MED13L: variants seen among roughly 807,000 people sequenced by gnomAD.
The protein encoded by MED13L is mediator complex subunit 13L, also known as mediator of RNA polymerase II transcription subunit 13-like.
MED13L carries 7 observed loss-of-function variants against 220.9 expected under a neutral mutation model. The observed-to-expected ratio is 0.03, with a 90% CI of 0.02 to 0.06. The LOEUF (loss-of-function observed/expected upper bound fraction) is 0.06. Among genes scored for constraint, MED13L ranks in the 10% least tolerant of loss-of-function variants. The probability of loss-of-function intolerance (pLI) is 1.00; values close to 1 mark genes in which losing one functional copy is unlikely to be tolerated. For missense variants in MED13L, 1,965 were observed against 2,760.5 expected (o/e 0.71, Z 6.46); for synonymous variants, 1,011 against 1,015.2 (o/e 1.00, Z 0.08).
intron 1 of MED13L, among the ~76,000 whole-genome samples, chr12:116,239,726 A>G (rs1167250291): frequency 6.6e-6 from 1 of 152,248 alleles, no homozygotes; most frequent in Non-Finnish European, 1.5e-5. Context: ...AAGACTCATG[A>G]TGAGTGCTAC....
intron 2 of MED13L, among the ~76,000 whole-genome samples, chr12:116,162,248 AT>A (rs1191488934): frequency 2.0e-5 from 3 of 152,132 alleles, no homozygotes; most frequent in Non-Finnish European, 4.4e-5. Context: ...TAATCAGCTT[AT>A]TTTCCCCATT....
intron 5 of MED13L, among the ~76,000 whole-genome samples, chr12:116,020,982 A>C (rs1473210475): frequency 6.6e-6 from 1 of 152,126 alleles, no homozygotes; most frequent in Non-Finnish European, 1.5e-5. Context: ...TTCCTCAATG[A>C]TCCAAATGGG....
chr12:115,989,466 G>A (rs1877913762), intron 17 of MED13L, among the ~76,000 whole-genome samples: 1 of 151,668 alleles, frequency 6.6e-6, no homozygotes, highest in African/African-American at 2.4e-5. Flanking sequence ...GCTCTACCAG[G>A]TCCTCTTCTC....
intron 23 of MED13L, among the ~76,000 whole-genome samples, chr12:115,978,569 C>T (rs575880587): frequency 6.6e-6 from 1 of 152,192 alleles, no homozygotes; most frequent in Admixed American, 6.5e-5. Context: ...TCAGGTGACC[C>T]GCCAGCCTCA....
Position 115,961,301 on chromosome 12 carries a change from T to C in MED13L, c.6598A>G (p.Thr2200Ala). Residue 2200 changes from threonine (T) to alanine (A), a missense_variant, in exon 31 of 31, where the codon ACT becomes GCT. This residue lies in a region of MED13L where 145 missense variants were observed against 328.3 expected (regional missense o/e 0.44). Coordinates refer to ENST00000281928, the MANE Select transcript of MED13L (RefSeq NM_015335.5). ...TTCATGATGGCATTGTACAACTGAGTGAGCACCACAAAGTGGACGGGAAGG... is the reference window on the plus strand; with the variant it reads ...TTCATGATGGCATTGTACAACTGAGCGAGCACCACAAAGTGGACGGGAAGG... ...SCLPVHFVVL[T>A]QLYNAIMNIL 6.2e-7 allele frequency: 1 copy of C among 1,614,044 alleles called. No individual in the cohort carries two copies. The highest frequency in any genetic ancestry group is 8.5e-7 in the Non-Finnish European group (1 of 1,179,984).
chr12:116,259,538 G>A (rs989359067), intron 1 of MED13L, among the ~76,000 whole-genome samples: 1 of 152,164 alleles, frequency 6.6e-6, no homozygotes, highest in Non-Finnish European at 1.5e-5. Context: ...TGAAGGGAGA[G>A]AAAAGAGAAT....
chr12:116,006,002 A>C lies in MED13L; in HGVS notation c.2345-9T>G, dbSNP rs1309247987. On this transcript the variant is annotated splice_polypyrimidine_tract_variant and intron_variant, in intron 12 of 30. Coordinates refer to ENST00000281928, the MANE Select transcript of MED13L (RefSeq NM_015335.5). ...ATTATCCTGCCGGACATCTGTAGGA[A>C]AGGAGGCAAAAGACACAGAATAAAC... 6.2e-7 allele frequency: 1 copy of C among 1,613,900 alleles called. No homozygotes were observed. Among genetic ancestry groups the C allele is most frequent in the East Asian group, 2.2e-5 (1 of 44,866 alleles).
chr12:116,072,195 T>C (rs1383467164), intron 4 of MED13L, among the ~76,000 whole-genome samples: 3 of 152,214 alleles, frequency 2.0e-5, no homozygotes, highest in Non-Finnish European at 2.9e-5. Flanking sequence ...GACCAGCCAC[T>C]GAACACAATT....
chr12:115,966,109 A>G lies in MED13L; in HGVS notation c.6360T>C (p.Ala2120=), dbSNP rs1230964662. The change falls in exon 29 of 31, where the codon GCT becomes GCC. Residue 2120 remains alanine, a synonymous_variant. Transcript: ENST00000281928. ...TTAAGAAGAGAGGGCACTGGTTTTGAGCCTGGGGACACGATGACCAAAACC... is the reference window on the plus strand; with the variant it reads ...TTAAGAAGAGAGGGCACTGGTTTTGGGCCTGGGGACACGATGACCAAAACC... The part of the protein sequence containing the change: ...PQWFWSSCPQ[A]QNQCPLFLKA... 3 of 1,614,142 alleles carry G rather than the reference A, an allele frequency of 1.9e-6. No individual in the cohort carries two copies. The highest frequency in any genetic ancestry group is 2.2e-5 in the South Asian group (2 of 91,074).
At chr12:116,021,445 T>C (rs1218743099) in intron 5 of MED13L, among the ~76,000 whole-genome samples, 2 of 152,168 alleles carry the variant, frequency 1.3e-5, no homozygotes, top group Non-Finnish European at 2.9e-5. Flanking sequence ...AATTTGCAAA[T>C]ACTGTACAAT....
intron 3 of MED13L, among the ~76,000 whole-genome samples, chr12:116,111,166 T>C (rs1408767247): frequency 6.6e-6 from 1 of 152,090 alleles, no homozygotes; most frequent in East Asian, 1.9e-4. Flanking sequence ...AGTTTACAAA[T>C]ATGCAAATGA....
At chr12:116,158,179 T>C (rs980567571) in intron 2 of MED13L, among the ~76,000 whole-genome samples, 3 of 147,646 alleles carry the variant, frequency 2.0e-5, no homozygotes, top group African/African-American at 7.5e-5. Flanking sequence ...GAGAAACAGA[T>C]TGTGGTCATC....
At chr12:116,044,394 A>C (rs1236716445) in intron 4 of MED13L, among the ~76,000 whole-genome samples, 3 of 152,248 alleles carry the variant, frequency 2.0e-5, no homozygotes, top group Admixed American at 2.0e-4. Context: ...CACGAAAGAA[A>C]GCGCAAGTGA....
At chr12:116,171,504 GC>G (rs771685398) in intron 2 of MED13L, among the ~76,000 whole-genome samples, 4 of 152,028 alleles carry the variant, frequency 2.6e-5, no homozygotes, top group Non-Finnish European at 4.4e-5. Context: ...TCCTCTCTAG[GC>G]TAAACAAATC....
At chr12:116,271,116 A>AG (rs1231849351) in intron 1 of MED13L, among the ~76,000 whole-genome samples, 9 of 149,410 alleles carry the variant, frequency 6.0e-5, no homozygotes, top group Non-Finnish European at 1.0e-4. Context: ...ATGACTCAAG[A>AG]GGGGGGAAAA....
At chr12:116,143,112 T>C (rs1479353428) in intron 2 of MED13L, among the ~76,000 whole-genome samples, 1 of 152,162 alleles carries the variant, frequency 6.6e-6, no homozygotes, top group African/African-American at 2.4e-5. Context: ...CCACTGATGA[T>C]GAAATGCCCA....
chr12:116,076,622 C>T (rs1249032092), intron 4 of MED13L, among the ~76,000 whole-genome samples: 1 of 152,136 alleles, frequency 6.6e-6, no homozygotes, highest in South Asian at 2.1e-4. Flanking sequence ...TCTGCAGAAG[C>T]AAGGGGTCAA....
chr12:116,251,146 A>G (rs1565950065), intron 1 of MED13L, among the ~76,000 whole-genome samples: 1 of 150,996 alleles, frequency 6.6e-6, no homozygotes, highest in African/African-American at 2.4e-5. Flanking sequence ...AAAAAAAAAA[A>G]GGCAGAGGAT....
At chr12:116,274,895 C>CA (rs1237040263) in intron 1 of MED13L, among the ~76,000 whole-genome samples, 3 of 151,282 alleles carry the variant, frequency 2.0e-5, no homozygotes, top group African/African-American at 7.3e-5. Context: ...TTTAGTCATT[C>CA]AAAATCAAAG....
Sources: allele counts gnomAD v4.1 joint callset (sites outside exome capture counted in the v4.1 genomes callset), GRCh38; gene constraint gnomAD v4.1.1; regional missense constraint gnomAD v4.1.1; transcripts MANE v1.5; gene names NCBI Gene and HGNC (gene_info 2026-07-23, HGNC 2026-07-21).